MVP: variants seen among roughly 807,000 people sequenced by gnomAD.
MVP encodes lung resistance-related protein.
Under a neutral mutation model 83.5 loss-of-function variants are expected in MVP, and 62 were observed. The observed-to-expected ratio is 0.74, with a 90% CI of 0.61 to 0.92. The LOEUF (loss-of-function observed/expected upper bound fraction) is 0.92, where lower values mean the gene tolerates loss of function less well. Ranked by LOEUF, MVP falls within the 40% of genes least tolerant of loss-of-function variation. The pLI, the probability that MVP is intolerant of heterozygous loss-of-function variation, is 0.00. For synonymous variants in MVP, 505 were observed against 504.1 expected (o/e 1.00, Z -0.02); for missense variants, 1,000 against 1,203.4 (o/e 0.83, Z 2.50).
In MVP at chr16:29,835,480, C is replaced by CAAAA. The variant is rs59649743; in HGVS notation, c.578-202_578-199dup. On this transcript the variant is annotated intron_variant, in intron 5 of 14. Coordinates refer to ENST00000357402, the MANE Select transcript of MVP (RefSeq NM_005115.5). ...TGGGCAACAGAGGGAGACTCCGTCT[C>CAAAA]AAAAAAAAAAAAAAAAAAAAAAAAA... 5.7e-3 allele frequency: 414 copies of CAAAA among 72,882 alleles called. 16 individuals carry two copies. The highest frequency in any genetic ancestry group is 0.033 in the East Asian group (84 of 2,524). The allele number at this position is 72,882 out of a possible 1,614,324, so 4.5% of individuals were successfully genotyped here.
At chr16:29,822,854 A>C (rs1233830506) in intron 1 of MVP, among the ~76,000 whole-genome samples, 1 of 152,150 alleles carries the variant, frequency 6.6e-6, no homozygotes, top group African/African-American at 2.4e-5. Context: ...AGTAGCTGAG[A>C]CTACAGTTGC....
chr16:29,837,658 G>C (rs889338158), intron 7 of MVP, among the ~76,000 whole-genome samples: 2 of 151,918 alleles, frequency 1.3e-5, no homozygotes, highest in Non-Finnish European at 2.9e-5. Flanking sequence ...GGAGGCTGAG[G>C]CACGAGAATC....
chr16:29,839,947 C>T, intron 7 of MVP: 1 of 454,782 alleles, frequency 2.2e-6, no homozygotes. Context: ...CAGGTCCTGA[C>T]AGTTATGGAA....
At position 29,831,045 on chromosome 16, in the gene MVP, C is replaced by T. The variant is rs780787741; in HGVS notation, c.293C>T (p.Pro98Leu). 2 of 1,613,382 alleles carry T rather than the reference C, an allele frequency of 1.2e-6. No individual in the cohort carries two copies. The highest frequency in any genetic ancestry group is 8.5e-7 in the Non-Finnish European group (1 of 1,179,996). ...LEIRLAQDPF[P>L]LYPGEVLEKD... is the part of the protein sequence containing the mutation. Reference sequence around the variant, plus strand: ...ATCCGGCTGGCCCAGGACCCCTTCCCCCTGTACCCAGGGGAGGTGCTGGAA... The same window carrying T: ...ATCCGGCTGGCCCAGGACCCCTTCCTCCTGTACCCAGGGGAGGTGCTGGAA... The change falls in exon 3 of 15, where the codon CCC becomes CTC. Residue 98 changes from proline (P) to leucine (L), a missense_variant. Pro to Leu is a moderately conservative substitution (Grantham distance 98). Coordinates refer to ENST00000357402, the MANE Select transcript of MVP (RefSeq NM_005115.5).
At chr16:29,824,563 G>A (rs2067392188) in intron 1 of MVP, among the ~76,000 whole-genome samples, 2 of 152,218 alleles carry the variant, frequency 1.3e-5, no homozygotes, top group Admixed American at 1.3e-4. Context: ...TCAGGAGTTT[G>A]AGACCACCCT....
Position 29,823,580 on chromosome 16 carries a change from G to A in MVP, c.-36+3070G>A, listed in dbSNP as rs950984404. On this transcript the variant is annotated intron_variant, in intron 1 of 14. Transcript: ENST00000357402. ...ATATATTAAGAGTCAGAGGCCAGGC[G>A]CGGTGGCTCACGCCTGTAATCCCAG... is the stretch of plus-strand genomic sequence containing the variant. 1.9e-4 allele frequency among the ~76,000 whole-genome samples: 29 copies of A among 152,048 alleles called. 1 individual carries two copies. The highest frequency in any genetic ancestry group is 1.6e-3 in the Admixed American group (25 of 15,262).
At chr16:29,833,509 A>G (rs966413428) in intron 3 of MVP, 18 of 217,266 alleles carry the variant, frequency 8.3e-5, no homozygotes, top group African/African-American at 1.6e-4. Context: ...GGATCTTGCT[A>G]TGTTGCCCAG....
At chr16:29,846,885 A>G (rs1470647513) in intron 13 of MVP, among the ~76,000 whole-genome samples, 1 of 152,006 alleles carries the variant, frequency 6.6e-6, no homozygotes, top group Non-Finnish European at 1.5e-5. Context: ...ATAAAAATAA[A>G]TGTAAAAAGA....
intron 1 of MVP, among the ~76,000 whole-genome samples, chr16:29,822,255 G>A (rs1042853236): frequency 6.6e-6 from 1 of 151,680 alleles, no homozygotes; most frequent in African/African-American, 2.4e-5. Flanking sequence ...GGAGGAGGGA[G>A]GACAAGTGGA....
intron 8 of MVP, among the ~76,000 whole-genome samples, chr16:29,840,928 G>C (rs2067529676): frequency 6.6e-6 from 1 of 151,986 alleles, no homozygotes; most frequent in African/African-American, 2.4e-5. Context: ...GACAGAGTGA[G>C]ACTCTGTCAA....
intron 13 of MVP, 77 bp from the exon 14 acceptor site, chr16:29,847,120 T>C: frequency 2.0e-6 from 3 of 1,498,276 alleles, no homozygotes; most frequent in Non-Finnish European, 1.8e-6. Flanking sequence ...AGCCAGGAGT[T>C]CAAGGCTGCA....
chr16:29,833,751 G>A lies in MVP; in HGVS notation c.340G>A (p.Val114Met). Reference protein sequence around the residue: ...VLEKDITPLQVVLPNTALHLK... With the variant: ...VLEKDITPLQMVLPNTALHLK... Reference sequence around the variant, plus strand: ...CCACTAGGACATCACACCCCTGCAGGTGGTTCTGCCCAACACTGCCCTCCA... The same window carrying A: ...CCACTAGGACATCACACCCCTGCAGATGGTTCTGCCCAACACTGCCCTCCA... Residue 114 changes from valine to methionine, a missense_variant, in exon 4 of 15, where the codon GTG becomes ATG. Coordinates refer to ENST00000357402, the MANE Select transcript of MVP (RefSeq NM_005115.5). 6.2e-7 allele frequency: 1 copy of A among 1,614,058 alleles called. No homozygotes were observed. The highest frequency in any genetic ancestry group is 1.1e-5 in the South Asian group (1 of 91,086).
intron 3 of MVP, among the ~76,000 whole-genome samples, chr16:29,832,490 G>T (rs1057237636): frequency 6.6e-6 from 1 of 150,854 alleles, no homozygotes; most frequent in Non-Finnish European, 1.5e-5. Context: ...GTAGAGATGG[G>T]GTTTCACCGT....
intron 1 of MVP, among the ~76,000 whole-genome samples, chr16:29,824,750 C>CA (rs1041934905): frequency 9.8e-4 from 148 of 150,764 alleles, no homozygotes; most frequent in African/African-American, 3.3e-3. Flanking sequence ...CTACAGTCTC[C>CA]AAAAAAAACA....
intron 7 of MVP, among the ~76,000 whole-genome samples, chr16:29,838,191 T>C (rs2067504039): frequency 6.6e-6 from 1 of 151,806 alleles, no homozygotes; most frequent in African/African-American, 2.4e-5. Context: ...CCCAGCACTT[T>C]ACGAGTCCAA....
Position 29,841,647 on chromosome 16 carries a change from T to A in MVP, c.1243T>A (p.Trp415Arg), listed in dbSNP as rs147232925. Reference sequence around the variant, plus strand: ...CATGCTGACCCAGGACGAAGTCCTGTGGGAGAAAGAGCTGCCTCCCGGGGT... The same window carrying A: ...CATGCTGACCCAGGACGAAGTCCTGAGGGAGAAAGAGCTGCCTCCCGGGGT... ...TYMLTQDEVL[W>R]EKELPPGVEE... is the part of the protein sequence containing the mutation. The change falls in exon 9 of 15, where the codon TGG becomes AGG. Residue 415 changes from tryptophan to arginine, a missense_variant. Transcript: ENST00000357402. This position sits in a 1 kb window ranked among gnomAD's most constrained non-coding sequence, Gnocchi z 4.7. 19 of 1,611,680 alleles carry A rather than the reference T, an allele frequency of 1.2e-5. No homozygotes were observed. Among genetic ancestry groups the A allele is most frequent in the Middle Eastern group, 3.3e-4 (2 of 6,060 alleles).
chr16:29,844,694 G>GGGCCCCGATGGCAT lies in MVP; in HGVS notation c.1842_1855dup (p.Leu619ProfsTer99). 1 of 1,614,010 alleles carries GGGCCCCGATGGCAT rather than the reference G, an allele frequency of 6.2e-7. No homozygotes were observed. The highest frequency in any genetic ancestry group is 8.5e-7 in the Non-Finnish European group (1 of 1,180,006). Reference sequence around the variant, plus strand: ...TTGGCTTTGAGACCTCGGAAGCGAAGGGCCCCGATGGCATGGCCCTGCCCA... The same window carrying GGGCCCCGATGGCAT: ...TTGGCTTTGAGACCTCGGAAGCGAAGGGCCCCGATGGCATGGCCCCGATGGCATGGCCCTGCCCA... On this transcript the variant is annotated frameshift_variant, in exon 11 of 15. Coordinates refer to ENST00000357402, the MANE Select transcript of MVP (RefSeq NM_005115.5). LOFTEE classifies it high-confidence loss of function.
intron 7 of MVP, 111 bp from the exon 8 acceptor site, chr16:29,840,067 T>C: frequency 8.5e-7 from 1 of 1,178,238 alleles, no homozygotes; most frequent in South Asian, 1.5e-5. Flanking sequence ...GGCGGGCTTC[T>C]GGTGCTCTTG....
rs756127930 is a variant in MVP at position 29,841,708 on chromosome 16, C to T, written c.1304C>T (p.Ala435Val). Residue 435 changes from alanine to valine, a missense_variant, in exon 9 of 15, where the codon GCA (alanine) becomes GTA (valine). Coordinates refer to ENST00000357402, the MANE Select transcript of MVP (RefSeq NM_005115.5). This position sits in a 1 kb window ranked among gnomAD's most constrained non-coding sequence, Gnocchi z 4.7. Reference protein sequence around the residue: ...ELLNKGQDPLADRGEKDTAKS... With the variant: ...ELLNKGQDPLVDRGEKDTAKS... ...CTGAACAAGGGGCAGGACCCTCTGGCAGACAGGGGTGAGAAGGACACAGCT... is the reference window on the plus strand; with the variant it reads ...CTGAACAAGGGGCAGGACCCTCTGGTAGACAGGGGTGAGAAGGACACAGCT... 1 of 1,612,536 alleles carries T rather than the reference C, an allele frequency of 6.2e-7. No individual in the cohort carries two copies. The highest frequency in any genetic ancestry group is 1.1e-5 in the South Asian group (1 of 90,752).
Sources: gnomAD v4.1 joint callset for allele counts (sites outside exome capture counted in the v4.1 genomes callset) on GRCh38, gnomAD v4.1.1 for gene constraint, Gnocchi (gnomAD v3.1) non-coding constraint, MANE v1.5 for transcripts, NCBI Gene and HGNC (gene_info 2026-07-23, HGNC 2026-07-21) for gene names.